Variants in CHL1 observed in about 807,000 individuals in gnomAD.
CHL1 encodes the protein neural cell adhesion molecule L1-like protein.
Under a neutral mutation model 141.9 loss-of-function variants are expected in CHL1, and 96 were observed. The observed-to-expected ratio is 0.68, with a 90% CI of 0.57 to 0.80. The LOEUF is 0.80. CHL1 is among the 30% of genes least tolerant of loss of function. The pLI is 0.00. For missense variants in CHL1, 1,820 were observed against 1,457.2 expected (o/e 1.25, Z -4.05); for synonymous variants, 613 against 502.2 (o/e 1.22, Z -2.95).
At chr3:342,746 G>A (rs1369757758) in intron 7 of CHL1, among the ~76,000 whole-genome samples, 2 of 152,050 alleles carry the variant, frequency 1.3e-5, no homozygotes, top group Admixed American at 6.6e-5. Flanking sequence ...CATTCTTCTA[G>A]TAGCCTCAGT....
intron 1 of CHL1, among the ~76,000 whole-genome samples, chr3:215,397 G>A (rs1379703262): frequency 5.3e-5 from 8 of 152,278 alleles, no homozygotes; most frequent in South Asian, 2.1e-4. Context: ...TAGTGACTCC[G>A]GAATGTATCA....
chr3:334,718 A>C (rs1184898307), intron 5 of CHL1, among the ~76,000 whole-genome samples: 1 of 152,206 alleles, frequency 6.6e-6, no homozygotes, highest in African/African-American at 2.4e-5. Flanking sequence ...TGGCTATTAT[A>C]AATAGTGATA....
chr3:343,704 G>T (rs139250265), intron 8 of CHL1, among the ~76,000 whole-genome samples: 3 of 152,202 alleles, frequency 2.0e-5, no homozygotes, highest in Admixed American at 1.3e-4. Flanking sequence ...TAGATACCTT[G>T]CATACTTGCA....
intron 2 of CHL1, among the ~76,000 whole-genome samples, chr3:254,174 T>A (rs1039902900): frequency 1.6e-4 from 25 of 152,286 alleles, no homozygotes; most frequent in African/African-American, 5.8e-4. Context: ...CTTTGTGCAA[T>A]GTCATGTCCC....
intron 2 of CHL1, among the ~76,000 whole-genome samples, chr3:249,457 T>A (rs902506879): frequency 1.3e-5 from 2 of 152,166 alleles, no homozygotes; most frequent in Admixed American, 1.3e-4. Flanking sequence ...CCCTGTGCAA[T>A]GTAATCTACC....
At position 259,304 on chromosome 3, in the gene CHL1, TTGTG is replaced by T. The variant is rs150435694; in HGVS notation, c.-95+14623_-95+14626del. On this transcript the variant is annotated intron_variant, in intron 2 of 27. Transcript: ENST00000256509. ...TGTGTGTGCTTGTGTGTGTGCGTGC[TTGTG>T]TGTGTGTGTGCATGCGTGTGTGTGT... Among the ~76,000 whole-genome samples, 113 of 149,932 alleles carry T rather than the reference TTGTG, an allele frequency of 7.5e-4. 3 individuals carry two copies. The South Asian group carries it at 0.021, about 28-fold the overall frequency.
At chr3:364,361 C>A (rs184692945) in intron 14 of CHL1, among the ~76,000 whole-genome samples, 51 of 152,284 alleles carry the variant, frequency 3.3e-4, no homozygotes, top group South Asian at 6.2e-4. Flanking sequence ...AAGATGCCCT[C>A]ATGAAGTCAC....
At chr3:268,058 CTG>C (rs1695307329) in intron 2 of CHL1, among the ~76,000 whole-genome samples, 1 of 152,168 alleles carries the variant, frequency 6.6e-6, no homozygotes, top group Admixed American at 6.5e-5. Flanking sequence ...ATCGCATTCT[CTG>C]TTTATTCTTG....
chr3:344,754 G>A (rs774983239), intron 9 of CHL1, 45 bp downstream of exon 9: 13 of 1,592,066 alleles, frequency 8.2e-6, no homozygotes, highest in Middle Eastern at 1.7e-4. Context: ...ATCCAGTTCT[G>A]TAAAGAATAA....
At position 408,612 on chromosome 3, in the gene CHL1, A is replaced by T. The variant is rs994076293; in HGVS notation, c.*2901A>T. On this transcript the variant is annotated 3_prime_UTR_variant, in exon 28 of 28. Transcript: ENST00000256509. ...TTATGTATCTGAAAGTCACCCCCAC[A>T]TACCAACTCAACTTTTTTCCTGTGA... is the stretch of plus-strand genomic sequence containing the variant. 2 of 152,120 alleles carry T rather than the reference A, an allele frequency of 1.3e-5. No homozygotes were observed. Among genetic ancestry groups the T allele is most frequent in the Admixed American group, 6.6e-5 (1 of 15,246 alleles). The allele number at this position is 152,120 out of a possible 1,614,324, so 9.4% of individuals were successfully genotyped here.
chr3:352,701 A>G (rs1377058764), intron 10 of CHL1, among the ~76,000 whole-genome samples: 1 of 152,206 alleles, frequency 6.6e-6, no homozygotes, highest in East Asian at 1.9e-4. Flanking sequence ...TTACTTCTAT[A>G]GGAGAAATGG....
intron 2 of CHL1, among the ~76,000 whole-genome samples, chr3:256,206 T>C (rs1267768981): frequency 1.3e-5 from 2 of 151,528 alleles, no homozygotes; most frequent in African/African-American, 2.4e-5. Flanking sequence ...TACTGATAAA[T>C]GAAATTTAAA....
chr3:239,369 CAAGT>C (rs1453860534), intron 1 of CHL1, among the ~76,000 whole-genome samples: 1 of 152,176 alleles, frequency 6.6e-6, no homozygotes, highest in East Asian at 1.9e-4. Flanking sequence ...GATCGCACAA[CAAGT>C]AAGTGCACAC....
At position 377,907 on chromosome 3, in the gene CHL1, A is replaced by C; in HGVS notation, c.1841A>C (p.Asp614Ala). ...TGCTGTTCAGCTCATACTGCTCTAG[A>C]CAGTGCTGCCGATATAACTCAAGTA... Reference protein sequence around the residue: ...IYCCSAHTALDSAADITQVTV... With the variant: ...IYCCSAHTALASAADITQVTV... Residue 614 changes from aspartate to alanine, a missense_variant, in exon 16 of 28, where the codon GAC becomes GCC. Asp to Ala is a moderately radical substitution (Grantham distance 126). Coordinates refer to ENST00000256509, the MANE Select transcript of CHL1 (RefSeq NM_006614.4). The C allele has an allele frequency of 6.2e-7, 1 of 1,612,868 alleles. No individual in the cohort carries two copies. Among genetic ancestry groups the C allele is most frequent in the Non-Finnish European group, 8.5e-7 (1 of 1,179,418 alleles).
chr3:350,341 C>A (rs562522708), intron 10 of CHL1, among the ~76,000 whole-genome samples: 3 of 152,250 alleles, frequency 2.0e-5, no homozygotes, highest in East Asian at 1.9e-4. Flanking sequence ...ATGTGATTGA[C>A]ACAGACTATT....
intron 2 of CHL1, among the ~76,000 whole-genome samples, chr3:273,987 A>G (rs1181739667): frequency 6.6e-6 from 1 of 152,190 alleles, no homozygotes; most frequent in Admixed American, 6.5e-5. Context: ...TGGCCTACAA[A>G]GCCTCAATGA....
intron 2 of CHL1, among the ~76,000 whole-genome samples, chr3:293,146 C>A (rs572469564): frequency 3.9e-5 from 6 of 152,098 alleles, no homozygotes; most frequent in Non-Finnish European, 8.8e-5. Context: ...TCAAGTCTTT[C>A]CTTTAAATAA....
chr3:225,065 C>G (rs1701192445), intron 1 of CHL1, among the ~76,000 whole-genome samples: 1 of 152,130 alleles, frequency 6.6e-6, no homozygotes, highest in African/African-American at 2.4e-5. Context: ...ACTCAGGAGG[C>G]AGAGGCTGCA....
chr3:308,691 G>A (rs920226855), intron 2 of CHL1: 1 of 151,660 alleles, frequency 6.6e-6, no homozygotes, highest in African/African-American at 2.4e-5. Flanking sequence ...TATTAGGTGA[G>A]CTGAGACAGG....
Sources: allele counts gnomAD v4.1 joint callset (sites outside exome capture counted in the v4.1 genomes callset), GRCh38; gene constraint gnomAD v4.1.1; transcripts MANE v1.5; gene names NCBI Gene and HGNC (gene_info 2026-07-23, HGNC 2026-07-21).